KCTD16: variants seen among roughly 807,000 people sequenced by gnomAD.
KCTD16 encodes potassium channel tetramerization domain containing 16, also known as BTB/POZ domain-containing protein KCTD16.
KCTD16 carries 13 observed loss-of-function variants against 33.2 expected under a neutral mutation model. The observed-to-expected ratio is 0.39, with a 90% CI of 0.25 to 0.62. The LOEUF is 0.62. Ranked by LOEUF, KCTD16 falls within the 20% of genes least tolerant of loss-of-function variation. The pLI, the probability that KCTD16 is intolerant of heterozygous loss-of-function variation, is 0.50. For missense variants in KCTD16, 441 were observed against 525.1 expected (o/e 0.84, Z 1.57); for synonymous variants, 197 against 195.3 (o/e 1.01, Z -0.07).
rs183713169 is a variant in KCTD16, at chr5:144,203,044, T to A, written c.-326-3345T>A. Among the ~76,000 whole-genome samples the A allele has an allele frequency of 7.9e-5, 12 of 152,314 alleles. No individual in the cohort carries two copies. In the East Asian group the frequency reaches 2.1e-3, roughly 27 times the overall value. On this transcript the variant is annotated intron_variant, in intron 2 of 3. Coordinates refer to ENST00000512467, the MANE Select transcript of KCTD16 (RefSeq NM_020768.4). ...TGACAGTGAATGCAAACTTTTATGCTTGTGGATTCATTTCCTAGGTTTTAT... is the reference window on the plus strand; with the variant it reads ...TGACAGTGAATGCAAACTTTTATGCATGTGGATTCATTTCCTAGGTTTTAT...
intron 3 of KCTD16, among the ~76,000 whole-genome samples, chr5:144,268,668 C>G (rs771360915): frequency 5.3e-5 from 8 of 151,448 alleles, no homozygotes; most frequent in Non-Finnish European, 7.4e-5. Flanking sequence ...TCCACTTTTC[C>G]AAAAAAAGAT....
At chr5:144,348,521 G>C (rs1041291166) in intron 3 of KCTD16, among the ~76,000 whole-genome samples, 1 of 152,136 alleles carries the variant, frequency 6.6e-6, no homozygotes, top group Admixed American at 6.5e-5. Flanking sequence ...TATTGAGCGG[G>C]TCAGTAGTTG....
chr5:144,465,199 C>CCA (rs1754299202), intron 3 of KCTD16, among the ~76,000 whole-genome samples: 1 of 119,340 alleles, frequency 8.4e-6, no homozygotes, highest in Non-Finnish European at 1.7e-5. Flanking sequence ...CTCTCTCTCT[C>CCA]ACTCTCTCTC....
At chr5:144,322,347 G>A (rs1438761011) in intron 3 of KCTD16, among the ~76,000 whole-genome samples, 2 of 152,112 alleles carry the variant, frequency 1.3e-5, no homozygotes, top group East Asian at 1.9e-4. Context: ...CCTACTGTTT[G>A]GTATAAAGAT....
At chr5:144,346,639 G>A (rs1303085871) in intron 3 of KCTD16, among the ~76,000 whole-genome samples, 3 of 151,940 alleles carry the variant, frequency 2.0e-5, no homozygotes, top group African/African-American at 7.2e-5. Context: ...TCATATGTCT[G>A]CCATTTTTAT....
intron 3 of KCTD16, among the ~76,000 whole-genome samples, chr5:144,425,204 G>A (rs977520502): frequency 3.3e-5 from 5 of 152,126 alleles, no homozygotes; most frequent in African/African-American, 1.2e-4. Flanking sequence ...GAAGAAAGAG[G>A]TAACTGATCC....
In KCTD16 at chr5:144,207,096, A is replaced by G; in HGVS notation, c.382A>G (p.Lys128Glu). Reference sequence around the variant, plus strand: ...CAAACTCCTGACCCCCGATGAAATCAAGCAAAGCCCAGATGAATTCTGCCA... The same window carrying G: ...CAAACTCCTGACCCCCGATGAAATCGAGCAAAGCCCAGATGAATTCTGCCA... ...LVKLLTPDEIKQSPDEFCHSD... is the reference protein window; with the variant it reads ...LVKLLTPDEIEQSPDEFCHSD... Residue 128 changes from lysine to glutamate, a missense_variant, in exon 3 of 4, where the codon AAG (lysine) becomes GAG (glutamate). This residue lies in a region of KCTD16 where 355 missense variants were observed against 413.0 expected (regional missense o/e 0.86). Transcript: ENST00000512467. 6.2e-7 allele frequency: 1 copy of G among 1,611,040 alleles called. No homozygotes were observed. Among genetic ancestry groups the G allele is most frequent in the Non-Finnish European group, 8.5e-7 (1 of 1,178,710 alleles).
At chr5:144,190,076 A>C (rs1752810986) in intron 2 of KCTD16, among the ~76,000 whole-genome samples, 4 of 151,894 alleles carry the variant, frequency 2.6e-5, no homozygotes, top group Admixed American at 2.6e-4. Flanking sequence ...CATTTTGATA[A>C]CCCTTCACCC....
chr5:144,298,531 A>G (rs1258525955), intron 3 of KCTD16, among the ~76,000 whole-genome samples: 3 of 152,172 alleles, frequency 2.0e-5, no homozygotes, highest in African/African-American at 7.2e-5. Flanking sequence ...AGTGAAATGA[A>G]ATAACATTGG....
chr5:144,208,082 C>T (rs918904613), intron 3 of KCTD16, among the ~76,000 whole-genome samples: 9 of 152,218 alleles, frequency 5.9e-5, no homozygotes, highest in African/African-American at 2.2e-4. Context: ...CTGCTCCCCC[C>T]AAGTCTAAAT....
At chr5:144,351,827 G>A (rs971629547) in intron 3 of KCTD16, among the ~76,000 whole-genome samples, 1 of 152,136 alleles carries the variant, frequency 6.6e-6, no homozygotes, top group Admixed American at 6.6e-5. Context: ...TCACTTATAT[G>A]TGGAGTGTGA....
intron 3 of KCTD16, among the ~76,000 whole-genome samples, chr5:144,290,359 T>C (rs1755862491): frequency 6.6e-6 from 1 of 152,256 alleles, no homozygotes; most frequent in Middle Eastern, 3.4e-3. Context: ...CGTATTTCTT[T>C]GGGGAAAATT....
At chr5:144,220,552 A>G (rs1488432635) in intron 3 of KCTD16, among the ~76,000 whole-genome samples, 1 of 146,270 alleles carries the variant, frequency 6.8e-6, no homozygotes, top group African/African-American at 2.4e-5. Flanking sequence ...AGCAGGTTAT[A>G]TGTATATTTA....
intron 2 of KCTD16, among the ~76,000 whole-genome samples, chr5:144,203,928 C>G (rs968812326): frequency 6.6e-6 from 1 of 152,196 alleles, no homozygotes; most frequent in Non-Finnish European, 1.5e-5. Context: ...GCTTAGGGCA[C>G]TAGATGGCGA....
rs549132318 is a variant in KCTD16 at position 144,484,597 on chromosome 5, A to G, written c.*10483A>G. ...CTGGAAATTTCAAGTGCATCTGACC[A>G]GGGATTATCAAGCTCCTTGTGACAT... On this transcript the variant is annotated 3_prime_UTR_variant, in exon 4 of 4. Coordinates refer to ENST00000512467, the MANE Select transcript of KCTD16 (RefSeq NM_020768.4). 1.2e-3 allele frequency: 183 copies of G among 152,114 alleles called. 2 individuals carry two copies. Among genetic ancestry groups the G allele is most frequent in the African/African-American group, 4.2e-3 (174 of 41,548 alleles). 9.4% of individuals were successfully genotyped at this position (152,114 alleles called of 1,614,324 possible).
rs1477448880 is a variant in KCTD16, at chr5:144,473,980, G to A, written c.1153G>A (p.Val385Ile). The change falls in exon 4 of 4, where the codon GTT (valine) becomes ATT (isoleucine). Residue 385 changes from valine (V) to isoleucine (I), a missense_variant. By Grantham distance (29) the Val-to-Ile change is conservative (BLOSUM62 3). Coordinates refer to ENST00000512467, the MANE Select transcript of KCTD16 (RefSeq NM_020768.4). ...GAACATGAGCAGCAAAAAAAAAGCT[G>A]TTAAAGAAAAGCTCTCAATTGAGGA... ...ESNMSSKKKA[V>I]KEKLSIEEEL... 6.2e-7 allele frequency: 1 copy of A among 1,614,008 alleles called. No homozygotes were observed. Among genetic ancestry groups the A allele is most frequent in the Non-Finnish European group, 8.5e-7 (1 of 1,179,992 alleles).
intron 1 of KCTD16, among the ~76,000 whole-genome samples, chr5:144,173,854 G>A (rs1046266929): frequency 3.3e-5 from 5 of 150,956 alleles, no homozygotes; most frequent in African/African-American, 1.2e-4. Context: ...GAAATTTTGA[G>A]AACATCCACT....
intron 3 of KCTD16, among the ~76,000 whole-genome samples, chr5:144,235,638 G>A (rs1386150679): frequency 6.6e-6 from 1 of 152,026 alleles, no homozygotes; most frequent in South Asian, 2.1e-4. Context: ...TAAGCCCTCA[G>A]TAAATATTAC....
chr5:144,258,424 A>G (rs1754911364), intron 3 of KCTD16, among the ~76,000 whole-genome samples: 1 of 152,186 alleles, frequency 6.6e-6, no homozygotes, highest in South Asian at 2.1e-4. Context: ...TGAATGTATA[A>G]AAGTTGCTAA....
Sources: allele counts gnomAD v4.1 joint callset (sites outside exome capture counted in the v4.1 genomes callset), GRCh38; gene constraint gnomAD v4.1.1; regional missense constraint gnomAD v4.1.1; transcripts MANE v1.5; gene names NCBI Gene and HGNC (gene_info 2026-07-23, HGNC 2026-07-21).